SUSD5: variants seen among roughly 807,000 people sequenced by gnomAD.
The protein encoded by SUSD5 is sushi domain-containing protein 5.
SUSD5 carries 33 observed loss-of-function variants against 29.5 expected under a neutral mutation model. That is an observed-to-expected ratio of 1.12 (90% confidence interval 0.85 to 1.49). The LOEUF is 1.49. SUSD5 is among the 40% of genes most tolerant of loss of function. SUSD5 has a pLI of 0.00. For synonymous variants in SUSD5, 308 were observed against 325.3 expected (o/e 0.95, Z 0.57); for missense variants, 776 against 800.6 (o/e 0.97, Z 0.37).
intron 4 of SUSD5, among the ~76,000 whole-genome samples, chr3:33,174,260 G>A (rs994355236): frequency 2.0e-5 from 3 of 152,052 alleles, no homozygotes; most frequent in Non-Finnish European, 4.4e-5. Flanking sequence ...TCGTCTCCTC[G>A]CTCCACCCCT....
intron 4 of SUSD5, among the ~76,000 whole-genome samples, 196 bp from the exon 5 acceptor site, chr3:33,154,229 C>T (rs2030996729): frequency 6.6e-6 from 1 of 152,080 alleles, no homozygotes; most frequent in African/African-American, 2.4e-5. Flanking sequence ...TAAAATTTAA[C>T]ATCTGAGCTT....
At chr3:33,199,680 C>T (rs530255631) in intron 3 of SUSD5, among the ~76,000 whole-genome samples, 6 of 152,326 alleles carry the variant, frequency 3.9e-5, no homozygotes, top group African/African-American at 1.4e-4. Flanking sequence ...CTGCTATAGA[C>T]TGAATGTCTG....
chr3:33,196,554 A>C (rs2031999856), intron 3 of SUSD5, among the ~76,000 whole-genome samples: 1 of 152,006 alleles, frequency 6.6e-6, no homozygotes. Flanking sequence ...AACAAAAAAG[A>C]ACTTCTGTAG....
chr3:33,199,494 C>T (rs1408459843), intron 3 of SUSD5, among the ~76,000 whole-genome samples: 3 of 152,160 alleles, frequency 2.0e-5, no homozygotes, highest in East Asian at 1.9e-4. Flanking sequence ...AGGACGGTCT[C>T]GATCTCCTGA....
chr3:33,169,196 A>G (rs2031368994), intron 4 of SUSD5, among the ~76,000 whole-genome samples: 1 of 152,274 alleles, frequency 6.6e-6, no homozygotes, highest in East Asian at 1.9e-4. Flanking sequence ...TCATGAGTGT[A>G]TACACCTGTG....
intron 3 of SUSD5, among the ~76,000 whole-genome samples, chr3:33,182,432 A>C (rs1048085380): frequency 2.0e-5 from 3 of 152,214 alleles, no homozygotes; most frequent in African/African-American, 7.2e-5. Flanking sequence ...TATGTCAATT[A>C]TATCTAGTTA....
rs1418896069 is a variant in SUSD5, at chr3:33,167,620, T to A, written c.598+7266A>T. 6.6e-6 allele frequency among the ~76,000 whole-genome samples: 1 copy of A among 152,188 alleles called. No homozygotes were observed. The highest frequency in any genetic ancestry group is 2.4e-5 in the African/African-American group (1 of 41,442). On this transcript the variant is annotated intron_variant, in intron 4 of 4. Coordinates refer to ENST00000309558, the MANE Select transcript of SUSD5 (RefSeq NM_015551.2). This position sits in a 1 kb window ranked among gnomAD's most constrained non-coding sequence, Gnocchi z 4.1. ...TCCTGACTTAAAAACAGGTTGTCAG[T>A]ATATCACAGTTTCCCCAAAACCTCA...
chr3:33,194,976 C>G (rs2031967178), intron 3 of SUSD5, among the ~76,000 whole-genome samples: 1 of 152,290 alleles, frequency 6.6e-6, no homozygotes, highest in Admixed American at 6.5e-5. Flanking sequence ...GGGTGGATCA[C>G]CTGAGGTCAC....
intron 3 of SUSD5, among the ~76,000 whole-genome samples, chr3:33,192,144 G>A (rs984397249): frequency 4.0e-5 from 6 of 151,480 alleles, no homozygotes; most frequent in Admixed American, 2.0e-4. Flanking sequence ...CATGATCTCA[G>A]CTTACTGCAA....
Position 33,195,438 on chromosome 3 carries a change from G to T in SUSD5, c.409+12370C>A, listed in dbSNP as rs572420093. ...GGGGATGGAGGTGGGAATGGCTGTT[G>T]TGCAGGTAATTGACAAGGTCTGAGG... On this transcript the variant is annotated intron_variant, in intron 3 of 4. Coordinates refer to ENST00000309558, the MANE Select transcript of SUSD5 (RefSeq NM_015551.2). 2.0e-5 allele frequency among the ~76,000 whole-genome samples: 3 copies of T among 152,284 alleles called. No individual in the cohort carries two copies. In the East Asian group the frequency reaches 5.8e-4, roughly 29 times the overall value.
At position 33,150,564 on chromosome 3, in the gene SUSD5, A is replaced by G. The variant is rs148804908; in HGVS notation, c.*2178T>C. On this transcript the variant is annotated 3_prime_UTR_variant, in exon 5 of 5. Transcript: ENST00000309558. Reference sequence around the variant, plus strand: ...TACAGTCTCTGGCTTTTATTCTATTATGTTTTGCTTTGGCTACATGCAGAA... The same window carrying G: ...TACAGTCTCTGGCTTTTATTCTATTGTGTTTTGCTTTGGCTACATGCAGAA... 10 of 152,286 alleles carry G rather than the reference A, an allele frequency of 6.6e-5. No homozygotes were observed. Among genetic ancestry groups the G allele is most frequent in the African/African-American group, 2.4e-4 (10 of 41,570 alleles). 9.4% of individuals were successfully genotyped at this position (152,286 alleles called of 1,614,324 possible).
chr3:33,164,409 T>C (rs913483757), intron 4 of SUSD5, among the ~76,000 whole-genome samples: 1 of 152,152 alleles, frequency 6.6e-6, no homozygotes, highest in Non-Finnish European at 1.5e-5. Flanking sequence ...GTTAGGGAGA[T>C]CTGTTTCGTA....
chr3:33,216,244 A>G (rs958651820), intron 1 of SUSD5, among the ~76,000 whole-genome samples: 11 of 152,204 alleles, frequency 7.2e-5, no homozygotes, highest in African/African-American at 2.2e-4. Context: ...GAAGTGGGGG[A>G]AAAACTTTAA....
At chr3:33,213,826 A>G in intron 2 of SUSD5, 102 bp downstream of exon 2, 1 of 1,264,948 alleles carries the variant, frequency 7.9e-7, no homozygotes, top group South Asian at 1.5e-5. Context: ...TGCCCACTGT[A>G]CTCTGCCTGT....
intron 4 of SUSD5, among the ~76,000 whole-genome samples, chr3:33,168,896 C>T (rs1008378686): frequency 6.6e-6 from 1 of 152,164 alleles, no homozygotes; most frequent in Non-Finnish European, 1.5e-5. Context: ...GTAATTGGCT[C>T]GCTTTGGCCT....
intron 3 of SUSD5, among the ~76,000 whole-genome samples, chr3:33,200,854 A>G (rs1326620977): frequency 1.3e-5 from 2 of 152,200 alleles, no homozygotes; most frequent in Non-Finnish European, 2.9e-5. Context: ...GGAAGGCAGA[A>G]CTTGCAAGCC....
chr3:33,199,087 G>A (rs911841024), intron 3 of SUSD5, among the ~76,000 whole-genome samples: 2 of 152,030 alleles, frequency 1.3e-5, no homozygotes, highest in Non-Finnish European at 2.9e-5. Context: ...TAATGCATGC[G>A]CACTACTAAA....
intron 3 of SUSD5, among the ~76,000 whole-genome samples, chr3:33,180,610 T>C (rs891237330): frequency 1.8e-4 from 27 of 152,022 alleles, no homozygotes; most frequent in Admixed American, 6.6e-5. Flanking sequence ...ATGGATCACT[T>C]AAGGTGAGGA....
chr3:33,193,028 T>C (rs2031927646), intron 3 of SUSD5, among the ~76,000 whole-genome samples: 1 of 151,916 alleles, frequency 6.6e-6, no homozygotes, highest in African/African-American at 2.4e-5. Flanking sequence ...CAAACAACGG[T>C]TTTTTGCATA....
Sources: gnomAD v4.1 joint callset for allele counts (sites outside exome capture counted in the v4.1 genomes callset) on GRCh38, gnomAD v4.1.1 for gene constraint, Gnocchi (gnomAD v3.1) non-coding constraint, MANE v1.5 for transcripts, NCBI Gene and HGNC (gene_info 2026-07-23, HGNC 2026-07-21) for gene names.